Variants in LRCH3 observed in about 807,000 individuals in gnomAD.
LRCH3 encodes DISP complex protein LRCH3.
A neutral mutation model predicts 104.5 loss-of-function variants in LRCH3; 68 were observed. The observed-to-expected ratio is 0.65, with a 90% CI of 0.54 to 0.80. The LOEUF is 0.80. Among genes scored for constraint, LRCH3 ranks in the 30% least tolerant of loss-of-function variants. The probability of loss-of-function intolerance (pLI) is 0.00; values close to 1 mark genes in which losing one functional copy is unlikely to be tolerated. For synonymous variants in LRCH3, 344 were observed against 361.3 expected, an observed-to-expected ratio of 0.95 and a Z score of 0.54; for missense variants, 951 against 953.9, an observed-to-expected ratio of 1.00 and a Z score of 0.04.
chr3:197,867,122 C>A (rs1049875958), intron 17 of LRCH3, among the ~76,000 whole-genome samples: 1 of 152,064 alleles, frequency 6.6e-6, no homozygotes, highest in Non-Finnish European at 1.5e-5. Flanking sequence ...TGAAAAAATA[C>A]AAAAATTAGC....
intron 1 of LRCH3, among the ~76,000 whole-genome samples, chr3:197,814,008 CTTTATATAGG>C (rs1368874934): frequency 2.6e-5 from 4 of 152,088 alleles, no homozygotes; most frequent in Non-Finnish European, 5.9e-5. Flanking sequence ...TCAGTGATAC[CTTTATATAGG>C]GAAGGCAGGA....
At chr3:197,876,350 G>T (rs145406129) in intron 20 of LRCH3, 2 of 152,210 alleles carry the variant, frequency 1.3e-5, no homozygotes, top group African/African-American at 4.8e-5. Flanking sequence ...GTTCTTTGGA[G>T]TCTGGCATGC....
At chr3:197,845,554 A>G (rs1176092609) in intron 10 of LRCH3, among the ~76,000 whole-genome samples, 1 of 152,146 alleles carries the variant, frequency 6.6e-6, no homozygotes, top group East Asian at 1.9e-4. Context: ...TCATTCAAGC[A>G]ATATTTCTTA....
intron 14 of LRCH3, among the ~76,000 whole-genome samples, chr3:197,855,494 G>T (rs1475735126): frequency 6.6e-6 from 1 of 152,192 alleles, no homozygotes; most frequent in East Asian, 1.9e-4. Context: ...TTTTACAAAT[G>T]ATTACTGAGG....
At chr3:197,850,963 G>T in intron 12 of LRCH3, 2 of 785,570 alleles carry the variant, frequency 2.5e-6, no homozygotes, top group Admixed American at 3.4e-5. Context: ...ATTTTTCACA[G>T]ATTACCTCAG....
chr3:197,809,901 G>A (rs1732933502), intron 1 of LRCH3, among the ~76,000 whole-genome samples: 3 of 151,984 alleles, frequency 2.0e-5, no homozygotes, highest in Non-Finnish European at 4.4e-5. Flanking sequence ...TTTTTATTTG[G>A]TTTGAGATCT....
chr3:197,821,836 C>T (rs1043457440), intron 4 of LRCH3, among the ~76,000 whole-genome samples: 7 of 152,114 alleles, frequency 4.6e-5, no homozygotes, highest in Admixed American at 3.3e-4. Context: ...CACCATGTCA[C>T]CTACTTTTTG....
intron 20 of LRCH3, chr3:197,880,521 T>C: frequency 4.6e-6 from 7 of 1,536,194 alleles, no homozygotes; most frequent in Non-Finnish European, 6.1e-6. Flanking sequence ...GGACAATCTT[T>C]GTTCCCCTTC....
chr3:197,868,110 T>G (rs1277033238), intron 17 of LRCH3, among the ~76,000 whole-genome samples: 3 of 152,210 alleles, frequency 2.0e-5, no homozygotes, highest in Non-Finnish European at 4.4e-5. Context: ...ACAGATGCAC[T>G]GCTGGTGAGA....
intron 1 of LRCH3, among the ~76,000 whole-genome samples, chr3:197,799,300 G>A (rs1414181439): frequency 6.6e-6 from 1 of 152,132 alleles, no homozygotes; most frequent in South Asian, 2.1e-4. Context: ...TCCCAGGTGC[G>A]CTTGGGAAAA....
chr3:197,794,003 TA>T (rs1215057393), intron 1 of LRCH3, among the ~76,000 whole-genome samples: 1 of 152,238 alleles, frequency 6.6e-6, no homozygotes, highest in Non-Finnish European at 1.5e-5. Context: ...ACTGCCTTGT[TA>T]AATGCACACA....
Position 197,819,235 on chromosome 3 carries a change from T to G in LRCH3, c.535-1090T>G, listed in dbSNP as rs572677058. ...GGTTCGCTCTTTTTTTCCTCTTCAT[T>G]AAGTGAAAGCAAACTGCTGTTTTCA... On this transcript the variant is annotated intron_variant, in intron 3 of 20. Coordinates refer to ENST00000425562, the MANE Select transcript of LRCH3 (RefSeq NM_001365715.1). Among the ~76,000 whole-genome samples, 6 of 152,292 alleles carry G rather than the reference T, an allele frequency of 3.9e-5. No homozygotes were observed. In the East Asian group the frequency reaches 1.2e-3, roughly 29 times the overall value.
intron 16 of LRCH3, 147 bp from the exon 17 acceptor site, chr3:197,865,965 A>C: frequency 1.6e-6 from 1 of 632,862 alleles, no homozygotes; most frequent in Non-Finnish European, 2.7e-6. Context: ...TTTCATGATT[A>C]TTTTCTGTAC....
At chr3:197,816,700 T>C (rs771836329) in intron 2 of LRCH3, among the ~76,000 whole-genome samples, 9 of 152,324 alleles carry the variant, frequency 5.9e-5, no homozygotes, top group African/African-American at 1.4e-4. Context: ...TGCTTTTTTT[T>C]CCACAGAGCT....
At chr3:197,870,043 C>T in intron 17 of LRCH3, 117 bp from the exon 18 acceptor site, 4 of 1,006,074 alleles carry the variant, frequency 4.0e-6, no homozygotes, top group South Asian at 3.0e-5. Flanking sequence ...TGCACTGTAC[C>T]TGCAGGAGGT....
intron 19 of LRCH3, among the ~76,000 whole-genome samples, chr3:197,874,785 G>A (rs530902780): frequency 5.9e-5 from 9 of 152,222 alleles, no homozygotes; most frequent in South Asian, 2.1e-4. Flanking sequence ...TGTCTCAAGT[G>A]TGGGGTGACA....
intron 10 of LRCH3, among the ~76,000 whole-genome samples, chr3:197,844,037 C>T (rs1738223323): frequency 6.6e-6 from 1 of 152,074 alleles, no homozygotes; most frequent in Non-Finnish European, 1.5e-5. Context: ...ATGTTAGATG[C>T]CATGATAATA....
chr3:197,806,861 C>A (rs1300990588), intron 1 of LRCH3, among the ~76,000 whole-genome samples: 1 of 151,078 alleles, frequency 6.6e-6, no homozygotes, highest in Non-Finnish European at 1.5e-5. Context: ...TCCTGAGACC[C>A]CATTTTTACA....
At chr3:197,799,866 C>T (rs1237143452) in intron 1 of LRCH3, among the ~76,000 whole-genome samples, 1 of 149,978 alleles carries the variant, frequency 6.7e-6, no homozygotes. Context: ...GAGTGAGACT[C>T]GCTCTCAAAA....
Sources: allele counts gnomAD v4.1 joint callset (sites outside exome capture counted in the v4.1 genomes callset), GRCh38; gene constraint gnomAD v4.1.1; transcripts MANE v1.5; gene names NCBI Gene and HGNC (gene_info 2026-07-23, HGNC 2026-07-21).